UNC5D: variants seen among roughly 807,000 people sequenced by gnomAD.
UNC5D encodes unc-5 netrin receptor D, also known as netrin receptor UNC5D.
In UNC5D, 39 loss-of-function variants were observed where a neutral mutation model predicts 105.4. The observed-to-expected ratio is 0.37, with a 90% CI of 0.29 to 0.48. The LOEUF (loss-of-function observed/expected upper bound fraction) is 0.48, where lower values mean the gene tolerates loss of function less well. Ranked by LOEUF, UNC5D falls within the 20% of genes least tolerant of loss-of-function variation. The pLI is 0.98. For missense variants in UNC5D, 991 were observed against 1,202.4 expected (o/e 0.82, Z 2.60); for synonymous variants, 452 against 450.4 (o/e 1.00, Z -0.04).
intron 1 of UNC5D, among the ~76,000 whole-genome samples, chr8:35,440,047 C>G (rs1168771432): frequency 6.6e-6 from 1 of 151,948 alleles, no homozygotes; most frequent in Non-Finnish European, 1.5e-5. Context: ...CCCCATAACC[C>G]ACCTTCTAAT....
At chr8:35,728,071 TAAAAAA>T (rs71215643) in intron 10 of UNC5D, among the ~76,000 whole-genome samples, 2 of 41,040 alleles carry the variant, frequency 4.9e-5, no homozygotes, top group Admixed American at 4.0e-4. Context: ...TTGCTGTCTC[TAAAAAA>T]AAAAAAAAAA....
intron 1 of UNC5D, among the ~76,000 whole-genome samples, chr8:35,353,180 T>A (rs1485972545): frequency 6.6e-6 from 1 of 152,178 alleles, no homozygotes; most frequent in South Asian, 2.1e-4. Context: ...GGCTAATATC[T>A]TTAAAATAAA....
At chr8:35,566,863 GGACGT>G (rs1817375732) in intron 2 of UNC5D, among the ~76,000 whole-genome samples, 1 of 152,170 alleles carries the variant, frequency 6.6e-6, no homozygotes, top group Non-Finnish European at 1.5e-5. Flanking sequence ...TGGATGAAGA[GGACGT>G]GCTGGCTGTG....
At chr8:35,410,865 T>C (rs1364275614) in intron 1 of UNC5D, among the ~76,000 whole-genome samples, 1 of 152,078 alleles carries the variant, frequency 6.6e-6, no homozygotes, top group East Asian at 1.9e-4. Flanking sequence ...TTTTCTCAGG[T>C]TGTATTACAT....
intron 8 of UNC5D, 117 bp downstream of exon 8, chr8:35,706,078 GGC>G (rs1827559344): frequency 1.6e-6 from 1 of 624,798 alleles, no homozygotes; most frequent in East Asian, 3.9e-5. Flanking sequence ...GGGCTTTCGA[GGC>G]CTCTCCTCAT....
At position 35,790,343 on chromosome 8, in the gene UNC5D, A is replaced by C. The variant is rs767999021; in HGVS notation, c.2658-16A>C. Reference sequence around the variant, plus strand: ...ATGTTTCGTTTTGTTCTTTGTGTTTAACTCTCTCCATCTAGGAATTTATCT... The same window carrying C: ...ATGTTTCGTTTTGTTCTTTGTGTTTCACTCTCTCCATCTAGGAATTTATCT... On this transcript the variant is annotated splice_polypyrimidine_tract_variant and intron_variant, in intron 16 of 16. Transcript: ENST00000404895. The C allele has an allele frequency of 6.2e-7, 1 of 1,612,068 alleles. No homozygotes were observed. Among genetic ancestry groups the C allele is most frequent in the African/African-American group, 1.3e-5 (1 of 74,834 alleles).
intron 1 of UNC5D, among the ~76,000 whole-genome samples, chr8:35,320,814 C>T (rs1200976199): frequency 6.6e-6 from 1 of 152,070 alleles, no homozygotes; most frequent in African/African-American, 2.4e-5. Flanking sequence ...TTGTAATGCC[C>T]TTGGCTGAGG....
At chr8:35,515,617 G>A (rs1030103337) in intron 1 of UNC5D, among the ~76,000 whole-genome samples, 5 of 152,136 alleles carry the variant, frequency 3.3e-5, no homozygotes, top group African/African-American at 1.2e-4. Flanking sequence ...CCTGGGAGGT[G>A]GAAGTTGCAG....
intron 1 of UNC5D, among the ~76,000 whole-genome samples, chr8:35,465,429 A>C (rs1809232613): frequency 1.3e-5 from 2 of 149,980 alleles, no homozygotes; most frequent in Non-Finnish European, 2.9e-5. Flanking sequence ...ATAAGTCTCA[A>C]TCACAGTAAG....
chr8:35,734,925 A>G (rs2131587382), intron 11 of UNC5D, among the ~76,000 whole-genome samples: 1 of 151,702 alleles, frequency 6.6e-6, no homozygotes, highest in East Asian at 2.0e-4. Flanking sequence ...CTGGGATTAC[A>G]GGCACCCGCC....
At chr8:35,395,380 A>C (rs974520633) in intron 1 of UNC5D, among the ~76,000 whole-genome samples, 3 of 152,242 alleles carry the variant, frequency 2.0e-5, no homozygotes, top group African/African-American at 7.2e-5. Flanking sequence ...AGCTACCTGC[A>C]AATCTGATAG....
chr8:35,494,970 GCCTCTAA>G (rs550822305), intron 1 of UNC5D, among the ~76,000 whole-genome samples: 9 of 151,952 alleles, frequency 5.9e-5, no homozygotes, highest in Non-Finnish European at 1.3e-4. Flanking sequence ...CCACAGGGTG[GCCTCTAA>G]GGCCTTTGGA....
At chr8:35,567,924 T>C (rs1011526375) in intron 2 of UNC5D, among the ~76,000 whole-genome samples, 174 bp from the exon 3 acceptor site, 1 of 152,262 alleles carries the variant, frequency 6.6e-6, no homozygotes. Flanking sequence ...TCCAGCCTAC[T>C]CAGCTGTTGA....
intron 1 of UNC5D, among the ~76,000 whole-genome samples, chr8:35,290,649 TA>T (rs879410644): frequency 6.6e-6 from 1 of 152,074 alleles, no homozygotes; most frequent in Admixed American, 6.6e-5. Context: ...ATATTAATTT[TA>T]AAAAAAGAAG....
intron 1 of UNC5D, among the ~76,000 whole-genome samples, chr8:35,359,716 G>A (rs753349413): frequency 3.9e-4 from 59 of 152,018 alleles, no homozygotes; most frequent in Non-Finnish European, 6.9e-4. Flanking sequence ...TCTACATCAC[G>A]TTCATTAAAA....
chr8:35,452,794 T>C (rs536664359), intron 1 of UNC5D, among the ~76,000 whole-genome samples: 14 of 152,294 alleles, frequency 9.2e-5, no homozygotes, highest in African/African-American at 3.4e-4. Context: ...GAGCCACAGG[T>C]ATTTATTGTC....
At chr8:35,608,169 T>C (rs909817437) in intron 4 of UNC5D, among the ~76,000 whole-genome samples, 29 of 152,228 alleles carry the variant, frequency 1.9e-4, no homozygotes, top group Admixed American at 5.2e-4. Context: ...ACCTCTGGCA[T>C]CATATCACTT....
At chr8:35,239,062 T>A (rs923316376) in intron 1 of UNC5D, among the ~76,000 whole-genome samples, 2 of 152,208 alleles carry the variant, frequency 1.3e-5, no homozygotes, top group African/African-American at 4.8e-5. Flanking sequence ...GTGCTCTTAT[T>A]TTGAGCAGCC....
intron 1 of UNC5D, among the ~76,000 whole-genome samples, chr8:35,312,263 T>C (rs1018877439): frequency 6.6e-6 from 1 of 152,208 alleles, no homozygotes; most frequent in African/African-American, 2.4e-5. Flanking sequence ...GATGACATAA[T>C]TGTCAAATAT....
Sources: gnomAD v4.1 joint callset for allele counts (sites outside exome capture counted in the v4.1 genomes callset) on GRCh38, gnomAD v4.1.1 for gene constraint, MANE v1.5 for transcripts, NCBI Gene and HGNC (gene_info 2026-07-23, HGNC 2026-07-21) for gene names.